CAB39: variants seen among roughly 807,000 people sequenced by gnomAD.
The protein encoded by CAB39 is calcium-binding protein 39.
A neutral mutation model predicts 40.0 loss-of-function variants in CAB39; 8 were observed. The observed-to-expected ratio is 0.20, with a 90% confidence interval of 0.12 to 0.36. The LOEUF (loss-of-function observed/expected upper bound fraction) is 0.36, where lower values mean the gene tolerates loss of function less well. Among genes scored for constraint, CAB39 ranks in the 10% least tolerant of loss-of-function variants. CAB39 has a pLI of 1.00. For synonymous variants in CAB39, 156 were observed against 141.6 expected (o/e 1.10, Z -0.72); for missense variants, 270 against 401.1 (o/e 0.67, Z 2.79).
Position 230,820,318 on chromosome 2 carries a change from T to G in CAB39, c.*1614T>G, listed in dbSNP as rs1176091212. The G allele has an allele frequency of 2.0e-5, 3 of 152,234 alleles. No individual in the cohort carries two copies. The highest frequency in any genetic ancestry group is 7.2e-5 in the African/African-American group (3 of 41,462). The allele number at this position is 152,234 out of a possible 1,614,324, so 9.4% of individuals were successfully genotyped here. On this transcript the variant is annotated 3_prime_UTR_variant, in exon 9 of 9. Transcript: ENST00000258418. ...TAAAATGGGCCTCCCAATTGCTGTT[T>G]CAGCAGGTTTTAAACCTTCAGGAAC...
intron 1 of CAB39, among the ~76,000 whole-genome samples, chr2:230,747,184 C>T (rs1299349518): frequency 2.0e-5 from 3 of 152,154 alleles, no homozygotes; most frequent in Non-Finnish European, 1.5e-5. Context: ...GAGATCACAT[C>T]ACTGCGCTCC....
rs368429356 is a variant in CAB39 at position 230,759,970 on chromosome 2, G to A, written c.-32G>A. 352 of 1,180,648 alleles carry A rather than the reference G, an allele frequency of 3.0e-4. 3 individuals carry two copies. The highest frequency in any genetic ancestry group is 2.7e-3 in the South Asian group (222 of 81,788). The allele number at this position is 1,180,648 out of a possible 1,614,324, so 73.1% of individuals were successfully genotyped here. On this transcript the variant is annotated 5_prime_UTR_variant, in exon 2 of 9. Coordinates refer to ENST00000258418, the MANE Select transcript of CAB39 (RefSeq NM_016289.4). ...GTGCTGTGTTCTAGGTAGCACAGGC[G>A]GAGTGCAGCGGAGGCCCCTGCCGCT... is the stretch of plus-strand genomic sequence containing the variant.
chr2:230,809,772 T>C (rs1352014931), intron 5 of CAB39, among the ~76,000 whole-genome samples: 2 of 152,206 alleles, frequency 1.3e-5, no homozygotes. Context: ...TTGCGTTAGC[T>C]ATGAACCTGA....
rs540848450 is a variant in CAB39, at chr2:230,746,226, C to T, written c.-43-13733C>T. Among the ~76,000 whole-genome samples the T allele has an allele frequency of 2.7e-4, 41 of 152,264 alleles. No individual in the cohort carries two copies. In the East Asian group the frequency reaches 4.2e-3, roughly 16 times the overall value. On this transcript the variant is annotated intron_variant, in intron 1 of 8. Coordinates refer to ENST00000258418, the MANE Select transcript of CAB39 (RefSeq NM_016289.4). ...CACCTACATTCAGTGTGTAATGTCA[C>T]GGCTAGCCTTTTATGTGACTTTAAA...
chr2:230,745,374 G>A (rs1694953927), intron 1 of CAB39, among the ~76,000 whole-genome samples: 1 of 152,204 alleles, frequency 6.6e-6, no homozygotes, highest in African/African-American at 2.4e-5. Flanking sequence ...ATGTAGACAT[G>A]TGCCTAAAGG....
intron 2 of CAB39, among the ~76,000 whole-genome samples, chr2:230,771,970 AATTAT>A (rs1238705537): frequency 2.6e-5 from 4 of 152,232 alleles, no homozygotes; most frequent in Admixed American, 2.6e-4. Flanking sequence ...TAAGACCTAA[AATTAT>A]AAAGTTGCCA....
At chr2:230,731,556 G>A (rs145323360) in intron 1 of CAB39, among the ~76,000 whole-genome samples, 2 of 152,202 alleles carry the variant, frequency 1.3e-5, no homozygotes, top group African/African-American at 4.8e-5. Context: ...GGCTGTGAGT[G>A]CATTAGTGTC....
chr2:230,752,028 C>A (rs1271714619), intron 1 of CAB39: 1 of 51,072 alleles, frequency 2.0e-5, no homozygotes, highest in African/African-American at 1.1e-4. Flanking sequence ...ATATTCTGAC[C>A]ACCCCCCCCC....
At chr2:230,754,383 T>TCCCCTC (rs1695149483) in intron 1 of CAB39, among the ~76,000 whole-genome samples, 1 of 137,944 alleles carries the variant, frequency 7.2e-6, no homozygotes, top group African/African-American at 2.9e-5. Flanking sequence ...GCCTTCCTCT[T>TCCCCTC]CCCCTCCTTC....
rs547029538 is a variant in CAB39 at position 230,755,835 on chromosome 2, A to T, written c.-43-4124A>T. ...ATGATAAAGGGGAGATGAGAAAGGT[A>T]GGTGGATTGTTATGGTGAAATATAT... is the stretch of plus-strand genomic sequence containing the variant. On this transcript the variant is annotated intron_variant, in intron 1 of 8. Coordinates refer to ENST00000258418, the MANE Select transcript of CAB39 (RefSeq NM_016289.4). Among the ~76,000 whole-genome samples the T allele has an allele frequency of 5.1e-4, 77 of 152,358 alleles. 1 individual carries two copies. Among genetic ancestry groups the T allele is most frequent in the Middle Eastern group, 6.8e-3 (2 of 294 alleles).
At chr2:230,744,584 G>A (rs976342339) in intron 1 of CAB39, among the ~76,000 whole-genome samples, 3 of 152,226 alleles carry the variant, frequency 2.0e-5, no homozygotes, top group African/African-American at 7.2e-5. Context: ...GAGCCACCAC[G>A]CCTGGCCTCC....
At position 230,801,472 on chromosome 2, in the gene CAB39, A is replaced by G. The variant is rs74826214; in HGVS notation, c.567+2575A>G. ...CTATGGTTCATGCTTTCCTTTGAGAATGTGGCAAGAGCGCCCTCCCAGAAA... is the reference window on the plus strand; with the variant it reads ...CTATGGTTCATGCTTTCCTTTGAGAGTGTGGCAAGAGCGCCCTCCCAGAAA... On this transcript the variant is annotated intron_variant, in intron 5 of 8. Coordinates refer to ENST00000258418, the MANE Select transcript of CAB39 (RefSeq NM_016289.4). Among the ~76,000 whole-genome samples, 1,282 of 152,308 alleles carry G rather than the reference A, an allele frequency of 8.4e-3. 10 individuals are homozygous for G. Among genetic ancestry groups the G allele is most frequent in the African/African-American group, 0.024 (1,004 of 41,564 alleles).
chr2:230,775,180 T>C (rs1194879297), intron 2 of CAB39, among the ~76,000 whole-genome samples: 1 of 152,088 alleles, frequency 6.6e-6, no homozygotes, highest in Non-Finnish European at 1.5e-5. Context: ...AAAATAATAA[T>C]TTAAGCCTCA....
At chr2:230,754,438 C>CGCCTCCTTCTTCCCCTTT (rs1559599009) in intron 1 of CAB39, among the ~76,000 whole-genome samples, 2 of 127,856 alleles carry the variant, frequency 1.6e-5, no homozygotes, top group Non-Finnish European at 3.4e-5. Flanking sequence ...TCTTCCCCTT[C>CGCCTCCTTCTTCCCCTTT]CCCTCCTTCT....
chr2:230,757,913 C>T (rs1022887402), intron 1 of CAB39, among the ~76,000 whole-genome samples: 1 of 151,940 alleles, frequency 6.6e-6, no homozygotes, highest in African/African-American at 2.4e-5. Flanking sequence ...GCTTGTAGAG[C>T]GATCATATGA....
At chr2:230,773,932 C>CTTAGTTAAGTATTCTAGAAGGAATT (rs1695538204) in intron 2 of CAB39, among the ~76,000 whole-genome samples, 1 of 152,206 alleles carries the variant, frequency 6.6e-6, no homozygotes, top group East Asian at 1.9e-4. Context: ...TAGGTGACCA[C>CTTAGTTAAGTATTCTAGAAGGAATT]TTAGTTAAGT....
chr2:230,775,900 A>AGAGG, intron 2 of CAB39, among the ~76,000 whole-genome samples: 1 of 152,308 alleles, frequency 6.6e-6, no homozygotes, highest in East Asian at 1.9e-4. Context: ...AATATAATAT[A>AGAGG]GAGGGACTTG....
chr2:230,818,321 T>C (rs1320404747), intron 8 of CAB39, 195 bp from the exon 9 acceptor site: 2 of 554,126 alleles, frequency 3.6e-6, no homozygotes, highest in Admixed American at 3.5e-5. Flanking sequence ...ATCAGTCGTA[T>C]TTGTGTTAAA....
In CAB39 at chr2:230,730,445, C is replaced by CT. The variant is rs11344642; in HGVS notation, c.-44+17231dup. Among the ~76,000 whole-genome samples the CT allele has an allele frequency of 5.8e-3, 743 of 127,926 alleles. 5 individuals carry two copies. Among genetic ancestry groups the CT allele is most frequent in the African/African-American group, 0.018 (595 of 33,122 alleles). 83.9% of individuals were successfully genotyped at this position (127,926 alleles called of 152,430 possible). A position where few individuals can be genotyped will look rare whatever the true frequency, so the allele number is the denominator to read the frequency against. On this transcript the variant is annotated intron_variant, in intron 1 of 8. Transcript: ENST00000258418. ...AACTATACATTAGAAGAAAACTTTTCTTTTTTTTTTTTTTTTGAGACCAAG... is the reference window on the plus strand; with the variant it reads ...AACTATACATTAGAAGAAAACTTTTCTTTTTTTTTTTTTTTTTGAGACCAAG...
Sources: allele counts gnomAD v4.1 joint callset (sites outside exome capture counted in the v4.1 genomes callset), GRCh38; gene constraint gnomAD v4.1.1; transcripts MANE v1.5; gene names NCBI Gene and HGNC (gene_info 2026-07-23, HGNC 2026-07-21).